Variants in NPSR1 observed in about 807,000 individuals in gnomAD.
NPSR1 encodes neuropeptide S receptor.
In NPSR1, 48 loss-of-function variants were observed where a neutral mutation model predicts 46.9. The observed-to-expected ratio is 1.02, with a 90% CI of 0.81 to 1.30. The LOEUF is 1.30. Ranked by LOEUF, NPSR1 falls within the 50% of genes most tolerant of loss-of-function variation. The pLI is 0.00. For missense variants in NPSR1, 450 were observed against 449.5 expected (o/e 1.00, Z -0.01); for synonymous variants, 176 against 168.1 (o/e 1.05, Z -0.36).
downstream of NPSR1, among the ~76,000 whole-genome samples, chr7:34,853,474 C>T (rs1445954870): frequency 6.6e-6 from 1 of 152,186 alleles, no homozygotes; most frequent in African/African-American, 2.4e-5. Context: ...ACATGAAAAA[C>T]CCATGCCTCA....
intron 1 of NPSR1, among the ~76,000 whole-genome samples, chr7:34,663,067 C>CTCTCTCTCTCTG (rs35826710): frequency 0.012 from 1,208 of 99,360 alleles, 20 homozygotes; most frequent in African/African-American, 0.044. Flanking sequence ...CTCTCTCTCT[C>CTCTCTCTCTCTG]TGTGTGTGTG....
At chr7:34,854,023 A>T (rs1790999978), downstream of NPSR1, among the ~76,000 whole-genome samples, 1 of 152,204 alleles carries the variant, frequency 6.6e-6, no homozygotes, top group Non-Finnish European at 1.5e-5. Context: ...ATAGCATAGA[A>T]ATCGAGAGGC....
chr7:34,719,969 G>A (rs1192810041), intron 2 of NPSR1, among the ~76,000 whole-genome samples: 1 of 150,744 alleles, frequency 6.6e-6, no homozygotes, highest in East Asian at 2.0e-4. Context: ...GCCACACTTA[G>A]TTTCAAAAAG....
chr7:34,823,399 G>GA (rs577186339), intron 4 of NPSR1, among the ~76,000 whole-genome samples: 14,979 of 68,278 alleles, frequency 0.22, 1,706 homozygotes, highest in South Asian at 0.38. Context: ...GACTTCACCA[G>GA]AAAAAAAAAA....
intron 1 of NPSR1, among the ~76,000 whole-genome samples, chr7:34,680,457 C>T (rs1263002982): frequency 1.3e-5 from 2 of 151,728 alleles, no homozygotes; most frequent in Admixed American, 1.3e-4. Context: ...GTAAAGCTAC[C>T]CAGAACCACT....
At chr7:34,840,829 G>A (rs1790536611) in intron 6 of NPSR1, among the ~76,000 whole-genome samples, 1 of 152,152 alleles carries the variant, frequency 6.6e-6, no homozygotes, top group Non-Finnish European at 1.5e-5. Flanking sequence ...CACAGGCGGT[G>A]GCCTGGGTGG....
At chr7:34,745,968 C>T (rs1427198266) in intron 2 of NPSR1, among the ~76,000 whole-genome samples, 1 of 152,164 alleles carries the variant, frequency 6.6e-6, no homozygotes, top group Non-Finnish European at 1.5e-5. Context: ...AGTGAAAAGA[C>T]AAATACAGTC....
At chr7:34,820,969 TATA>T (rs1017858531) in intron 4 of NPSR1, among the ~76,000 whole-genome samples, 2 of 152,028 alleles carry the variant, frequency 1.3e-5, no homozygotes, top group East Asian at 1.9e-4. Context: ...GCTGGAGAGG[TATA>T]ATGAGACACA....
chr7:34,746,623 C>T (rs1336550797), intron 2 of NPSR1, among the ~76,000 whole-genome samples: 3 of 152,296 alleles, frequency 2.0e-5, no homozygotes, highest in Admixed American at 6.5e-5. Context: ...GCATTTCTAT[C>T]ATTACATAAT....
chr7:34,818,037 T>C (rs1028523620), intron 4 of NPSR1, among the ~76,000 whole-genome samples: 1 of 151,958 alleles, frequency 6.6e-6, no homozygotes, highest in African/African-American at 2.4e-5. Context: ...TCACCACTCC[T>C]ATTCAACATA....
chr7:34,784,996 A>G (rs1787395416), intron 3 of NPSR1, among the ~76,000 whole-genome samples: 1 of 152,122 alleles, frequency 6.6e-6, no homozygotes, highest in South Asian at 2.1e-4. Context: ...ATCTAGAACT[A>G]GAAATACCAT....
intron 2 of NPSR1, among the ~76,000 whole-genome samples, chr7:34,735,224 C>T (rs1784614609): frequency 6.6e-6 from 1 of 152,164 alleles, no homozygotes; most frequent in South Asian, 2.1e-4. Context: ...CTCTCCACTC[C>T]CTTGGCCCTC....
chr7:34,856,703 GTTGATAGAC>G (rs1355807143), intron 8 of NPSR1, among the ~76,000 whole-genome samples: 2 of 151,786 alleles, frequency 1.3e-5, no homozygotes, highest in African/African-American at 2.4e-5. Context: ...GTCCAGGTTT[GTTGATAGAC>G]TTTAGTCTTC....
At chr7:34,761,606 G>GCT (rs2128729183) in intron 2 of NPSR1, among the ~76,000 whole-genome samples, 1 of 152,136 alleles carries the variant, frequency 6.6e-6, no homozygotes, top group East Asian at 1.9e-4. Context: ...CTACCCCTTA[G>GCT]CTCTCCTTGG....
At chr7:34,673,815 T>G (rs1458538) in intron 1 of NPSR1, among the ~76,000 whole-genome samples, 43,052 of 151,936 alleles carry the variant, frequency 0.28, 7,551 homozygotes, top group African/African-American at 0.51. Flanking sequence ...TGTGAATATT[T>G]AAAAAATTTT....
Position 34,780,718 on chromosome 7 carries a change from C to A in NPSR1, c.384+2153C>A, listed in dbSNP as rs149965274. On this transcript the variant is annotated intron_variant, in intron 3 of 8. Coordinates refer to ENST00000360581, the MANE Select transcript of NPSR1 (RefSeq NM_207172.2). The stretch of plus-strand genomic sequence containing the variant: ...TTCATAGTGAAAACAAATTGTCTGG[C>A]AGCCACTGTAGAAAGCAAAACAGGG... Among the ~76,000 whole-genome samples, 258 of 152,228 alleles carry A rather than the reference C, an allele frequency of 1.7e-3. 3 individuals carry two copies. Among genetic ancestry groups the A allele is most frequent in the Non-Finnish European group, 2.5e-3 (173 of 68,006 alleles).
At chr7:34,750,423 T>C in intron 2 of NPSR1, 1 of 745,094 alleles carries the variant, frequency 1.3e-6, no homozygotes, top group Non-Finnish European at 2.5e-6. Flanking sequence ...CGATGGGTAG[T>C]ACGACGGGGC....
chr7:34,738,196 G>C (rs182929004), intron 2 of NPSR1, among the ~76,000 whole-genome samples: 77 of 152,308 alleles, frequency 5.1e-4, no homozygotes, highest in African/African-American at 1.7e-3. Flanking sequence ...GTGTACTATA[G>C]TATCTTCATA....
chr7:34,792,734 T>TTTTTATATATATATGTATA (rs1787994356), intron 3 of NPSR1, among the ~76,000 whole-genome samples: 1 of 123,306 alleles, frequency 8.1e-6, no homozygotes, highest in Non-Finnish European at 1.7e-5. Flanking sequence ...TATATATATA[T>TTTTTATATATATATGTATA]TAGCCAGGCA....
Sources: allele counts gnomAD v4.1 joint callset (sites outside exome capture counted in the v4.1 genomes callset), GRCh38; gene constraint gnomAD v4.1.1; transcripts MANE v1.5; gene names NCBI Gene and HGNC (gene_info 2026-07-23, HGNC 2026-07-21).